Variants in PEAK1 observed in about 807,000 individuals in gnomAD.
The protein encoded by PEAK1 is pseudopodium enriched atypical kinase 1.
PEAK1 carries 54 observed loss-of-function variants against 124.7 expected under a neutral mutation model. The observed-to-expected ratio is 0.43, with a 90% CI of 0.35 to 0.54. The LOEUF (loss-of-function observed/expected upper bound fraction) is 0.54. PEAK1 is among the 20% of genes least tolerant of loss of function. PEAK1 has a pLI of 0.01. For missense variants in PEAK1, 2,046 were observed against 2,134.5 expected (o/e 0.96, Z 0.82); for synonymous variants, 719 against 760.0 (o/e 0.95, Z 0.89).
Position 77,299,715 on chromosome 15 carries a change from A to AT in PEAK1, c.-602-13212dup. On this transcript the variant is annotated intron_variant, in intron 2 of 9. Transcript: ENST00000682557. Reference sequence around the variant, plus strand: ...CTTCCAAATTAGATTTCAGTTATGCATTTTTGAAAGAAGTGTCATAGAAAT... The same window carrying AT: ...CTTCCAAATTAGATTTCAGTTATGCATTTTTTGAAAGAAGTGTCATAGAAAT... Among the ~76,000 whole-genome samples, 2 of 152,292 alleles carry AT rather than the reference A, an allele frequency of 1.3e-5. 1 individual carries two copies. The highest frequency in any genetic ancestry group is 4.1e-4 in the South Asian group (2 of 4,826).
At chr15:77,176,309 G>T (rs1247164974) in intron 7 of PEAK1, among the ~76,000 whole-genome samples, 1 of 139,934 alleles carries the variant, frequency 7.1e-6, no homozygotes, top group African/African-American at 2.6e-5. Context: ...AACAAATAAA[G>T]TTTTACATTT....
intron 2 of PEAK1, among the ~76,000 whole-genome samples, chr15:77,357,500 C>G (rs932123879): frequency 6.6e-6 from 1 of 152,110 alleles, no homozygotes; most frequent in African/African-American, 2.4e-5. Context: ...TCTCAAAAGC[C>G]TGACATCAAG....
chr15:77,290,093 G>T (rs1037524643), intron 2 of PEAK1, among the ~76,000 whole-genome samples: 4 of 151,198 alleles, frequency 2.6e-5, no homozygotes, highest in African/African-American at 9.7e-5. Context: ...TCAGCTTCCC[G>T]AGTAGCTGGG....
intron 5 of PEAK1, among the ~76,000 whole-genome samples, chr15:77,260,923 C>A (rs367981362): frequency 1.3e-5 from 2 of 152,164 alleles, no homozygotes; most frequent in Non-Finnish European, 2.9e-5. Context: ...CTGAGACAAA[C>A]CTTCCAGAGG....
At chr15:77,144,803 C>T (rs2054052709) in intron 8 of PEAK1, among the ~76,000 whole-genome samples, 1 of 152,136 alleles carries the variant, frequency 6.6e-6, no homozygotes, top group Non-Finnish European at 1.5e-5. Flanking sequence ...TTTTTTCCTC[C>T]AAGAAAGACA....
At chr15:77,357,753 T>C (rs1470053447) in intron 2 of PEAK1, among the ~76,000 whole-genome samples, 1 of 152,262 alleles carries the variant, frequency 6.6e-6, no homozygotes, top group East Asian at 1.9e-4. Flanking sequence ...TTTGTACATT[T>C]GCACTATCTA....
intron 2 of PEAK1, chr15:77,335,223 T>G (rs976475677): frequency 7.3e-5 from 72 of 985,338 alleles, no homozygotes; most frequent in Non-Finnish European, 8.7e-5. Flanking sequence ...AAGATTCTCC[T>G]TCAGGGGCTC....
At chr15:77,142,582 A>G (rs1157602949) in intron 8 of PEAK1, among the ~76,000 whole-genome samples, 1 of 152,232 alleles carries the variant, frequency 6.6e-6, no homozygotes, top group East Asian at 1.9e-4. Flanking sequence ...TGATGAATGG[A>G]TAAATTAAAT....
intron 8 of PEAK1, among the ~76,000 whole-genome samples, chr15:77,139,673 C>T (rs748565588): frequency 1.3e-5 from 2 of 152,110 alleles, no homozygotes; most frequent in African/African-American, 4.8e-5. Context: ...TCAAGAATAT[C>T]TAAGAATTTA....
intron 9 of PEAK1, among the ~76,000 whole-genome samples, chr15:77,131,992 G>A (rs1454459529): frequency 2.6e-5 from 4 of 152,062 alleles, no homozygotes; most frequent in Admixed American, 2.6e-4. Context: ...CTGCACTCCA[G>A]CCTAAAAAAA....
intron 1 of PEAK1, among the ~76,000 whole-genome samples, chr15:77,386,224 G>A (rs1000667637): frequency 1.3e-5 from 2 of 152,202 alleles, no homozygotes; most frequent in Admixed American, 1.3e-4. Flanking sequence ...TGCAGAACCA[G>A]ATGTGGACCC....
chr15:77,179,199 G>A lies in PEAK1; in HGVS notation c.2728C>T (p.His910Tyr). The A allele has an allele frequency of 6.2e-7, 1 of 1,614,182 alleles. No homozygotes were observed. Among genetic ancestry groups the A allele is most frequent in the Non-Finnish European group, 8.5e-7 (1 of 1,180,044 alleles). The change falls in exon 7 of 10, where the codon CAC becomes TAC. Residue 910 changes from histidine to tyrosine, a missense_variant. His to Tyr is a moderately conservative substitution (Grantham distance 83, BLOSUM62 2). Transcript: ENST00000682557. Reference protein sequence around the residue: ...TRSTEAESVLHSEGSRRAADA... With the variant: ...TRSTEAESVLYSEGSRRAADA... ...GCTGCCCGCCTGCTGCCTTCAGAGT[G>A]CAAAACTGATTCAGCTTCTGTTGAC...
At chr15:77,148,585 C>T (rs1305541939) in intron 8 of PEAK1, among the ~76,000 whole-genome samples, 1 of 152,006 alleles carries the variant, frequency 6.6e-6, no homozygotes, top group Non-Finnish European at 1.5e-5. Flanking sequence ...TAAATCCGTT[C>T]CACTTTACAT....
intron 8 of PEAK1, among the ~76,000 whole-genome samples, chr15:77,139,542 C>A (rs924242605): frequency 7.2e-5 from 11 of 152,160 alleles, no homozygotes; most frequent in Non-Finnish European, 1.3e-4. Context: ...CACTAGGTAA[C>A]AGGAGTTTTT....
chr15:77,202,637 G>T (rs1372780092), intron 6 of PEAK1, among the ~76,000 whole-genome samples: 2 of 151,912 alleles, frequency 1.3e-5, no homozygotes, highest in Non-Finnish European at 2.9e-5. Flanking sequence ...GGGCATGGTG[G>T]TAGGTGCCTG....
chr15:77,292,102 G>GCA (rs1275687791), intron 2 of PEAK1, among the ~76,000 whole-genome samples: 1 of 151,718 alleles, frequency 6.6e-6, no homozygotes, highest in Non-Finnish European at 1.5e-5. Context: ...TTCTACACAT[G>GCA]CACACACACA....
intron 5 of PEAK1, among the ~76,000 whole-genome samples, chr15:77,275,788 AAG>A (rs1441560198): frequency 1.3e-5 from 2 of 151,996 alleles, no homozygotes; most frequent in Non-Finnish European, 2.9e-5. Flanking sequence ...AAGAAAGAAA[AAG>A]AATTATCTCA....
chr15:77,191,471 T>C (rs1223432878), intron 6 of PEAK1, among the ~76,000 whole-genome samples: 1 of 152,206 alleles, frequency 6.6e-6, no homozygotes, highest in Non-Finnish European at 1.5e-5. Context: ...CTGTTAACTA[T>C]GCTTAGGTTA....
rs528483254 is a variant in PEAK1 at position 77,256,112 on chromosome 15, T to A, written c.-274-3586A>T. Among the ~76,000 whole-genome samples, 69 of 152,208 alleles carry A rather than the reference T, an allele frequency of 4.5e-4. 1 individual carries two copies. The highest frequency in any genetic ancestry group is 9.1e-4 in the Non-Finnish European group (62 of 67,982). ...CCAGACAACTTCATCCAAAAATGAC[T>A]AAATTCAGGATAAAGAACTATGTAC... On this transcript the variant is annotated intron_variant, in intron 5 of 9. Coordinates refer to ENST00000682557, the MANE Select transcript of PEAK1 (RefSeq NM_001385026.1).
Sources: gnomAD v4.1 joint callset for allele counts (sites outside exome capture counted in the v4.1 genomes callset) on GRCh38, gnomAD v4.1.1 for gene constraint, MANE v1.5 for transcripts, NCBI Gene and HGNC (gene_info 2026-07-23, HGNC 2026-07-21) for gene names.